The following DCHS2 variants were observed in gnomAD, a reference collection of about 807,000 sequenced individuals.
DCHS2 encodes dachsous cadherin-related 2, also known as protocadherin-23.
Under a neutral mutation model 182.4 loss-of-function variants are expected in DCHS2, and 142 were observed. The ratio of observed to expected loss-of-function variants is 0.78; its 90% CI spans 0.68 to 0.89. The LOEUF is 0.89. DCHS2 is among the 40% of genes least tolerant of loss of function. The pLI, the probability that DCHS2 is intolerant of heterozygous loss-of-function variation, is 0.00. For missense variants in DCHS2, 4,319 were observed against 4,198.6 expected, an observed-to-expected ratio of 1.03 and a Z score of -0.79; for synonymous variants, 1,740 against 1,663.3, an observed-to-expected ratio of 1.05 and a Z score of -1.12.
In DCHS2 at chr4:154,236,690, T is replaced by C. The variant is rs1271240685; in HGVS notation, c.7962A>G (p.Gln2654=). 6.2e-7 allele frequency: 1 copy of C among 1,613,998 alleles called. No individual in the cohort carries two copies. Among genetic ancestry groups the C allele is most frequent in the South Asian group, 1.1e-5 (1 of 91,080 alleles). Residue 2654 remains glutamine, a synonymous_variant, in exon 20 of 20, where the codon CAA becomes CAG. Coordinates refer to ENST00000357232, the MANE Select transcript of DCHS2 (RefSeq NM_001358235.2). ...GGGGATTGTCATTGACATCAAGTAC[T>C]TGTATTGATATGACAGCTGTGGAAC... ...PLSSTAVISI[Q]VLDVNDNPPN... is the part of the protein sequence containing the mutation.
At chr4:154,445,505 C>T (rs1156682389) in intron 1 of DCHS2, among the ~76,000 whole-genome samples, 1 of 152,148 alleles carries the variant, frequency 6.6e-6, no homozygotes, top group Non-Finnish European at 1.5e-5. Context: ...AGTGCACCTC[C>T]CCTTACAACG....
At chr4:154,463,973 A>G (rs1021786903) in intron 1 of DCHS2, among the ~76,000 whole-genome samples, 1 of 152,226 alleles carries the variant, frequency 6.6e-6, no homozygotes, top group African/African-American at 2.4e-5. Context: ...AGAATATGAT[A>G]TTTAGTTCCC....
At chr4:154,382,479 C>T (rs950771932) in intron 1 of DCHS2, among the ~76,000 whole-genome samples, 1 of 151,800 alleles carries the variant, frequency 6.6e-6, no homozygotes, top group Admixed American at 6.6e-5. Flanking sequence ...GCAACCAAAA[C>T]AAAAATTGAC....
intron 1 of DCHS2, among the ~76,000 whole-genome samples, chr4:154,387,220 T>C (rs1213039804): frequency 6.6e-6 from 1 of 152,180 alleles, no homozygotes; most frequent in Non-Finnish European, 1.5e-5. Context: ...ATTATTGTCC[T>C]TTCTTCCCAC....
intron 10 of DCHS2, among the ~76,000 whole-genome samples, chr4:154,311,098 T>C (rs924038734): frequency 6.6e-6 from 1 of 152,200 alleles, no homozygotes; most frequent in Non-Finnish European, 1.5e-5. Context: ...GGGAGAGTGC[T>C]AGGAGCTGAG....
intron 13 of DCHS2, among the ~76,000 whole-genome samples, chr4:154,295,764 G>A (rs368248856): frequency 1.3e-5 from 2 of 152,230 alleles, no homozygotes; most frequent in South Asian, 2.1e-4. Flanking sequence ...AAGAGAATAT[G>A]CCCAGTAGAG....
At chr4:154,260,780 A>G (rs999172166) in intron 14 of DCHS2, among the ~76,000 whole-genome samples, 1 of 151,928 alleles carries the variant, frequency 6.6e-6, no homozygotes, top group African/African-American at 2.4e-5. Context: ...AGCTCCATAC[A>G]CCATCTCTTA....
At chr4:154,404,912 C>T (rs1182060128) in intron 1 of DCHS2, among the ~76,000 whole-genome samples, 1 of 152,154 alleles carries the variant, frequency 6.6e-6, no homozygotes, top group Non-Finnish European at 1.5e-5. Flanking sequence ...TTTCCCCTAC[C>T]TTCACTCACA....
chr4:154,459,479 CAA>C (rs1272577700), intron 1 of DCHS2, among the ~76,000 whole-genome samples: 1 of 151,978 alleles, frequency 6.6e-6, no homozygotes, highest in East Asian at 1.9e-4. Flanking sequence ...AAAGCAAAGG[CAA>C]AGAGCCCCGA....
At chr4:154,315,622 A>T (rs1735822416) in intron 10 of DCHS2, 126 bp downstream of exon 10, 1 of 1,376,314 alleles carries the variant, frequency 7.3e-7, no homozygotes, top group Non-Finnish European at 9.7e-7. Flanking sequence ...TGAAAGAAGT[A>T]TTACAAATTT....
At chr4:154,250,081 C>A (rs1732278818) in intron 16 of DCHS2, among the ~76,000 whole-genome samples, 2 of 151,968 alleles carry the variant, frequency 1.3e-5, no homozygotes, top group Non-Finnish European at 2.9e-5. Flanking sequence ...AAATACTATG[C>A]CATTTTATAT....
At chr4:154,303,014 T>C in intron 12 of DCHS2, among the ~76,000 whole-genome samples, 1 of 141,950 alleles carries the variant, frequency 7.0e-6, no homozygotes, top group African/African-American at 2.6e-5. Flanking sequence ...AAAGTCTCAC[T>C]CTTTTCCCCC....
intron 13 of DCHS2, among the ~76,000 whole-genome samples, chr4:154,291,136 T>C (rs1734638675): frequency 6.6e-6 from 1 of 152,176 alleles, no homozygotes; most frequent in Middle Eastern, 3.4e-3. Context: ...AACACCCAAA[T>C]AGACATCTCT....
chr4:154,480,839 G>C (rs1579122354), intron 1 of DCHS2, among the ~76,000 whole-genome samples: 1 of 152,054 alleles, frequency 6.6e-6, no homozygotes, highest in East Asian at 1.9e-4. Flanking sequence ...ATGTTGCCCA[G>C]GCTGGCCTCA....
intron 14 of DCHS2, among the ~76,000 whole-genome samples, chr4:154,269,646 A>G (rs1040021124): frequency 6.6e-6 from 1 of 152,138 alleles, no homozygotes; most frequent in African/African-American, 2.4e-5. Context: ...TTGTAAGTGG[A>G]AGCTAATTTA....
At chr4:154,409,647 A>C (rs1429871080) in intron 1 of DCHS2, among the ~76,000 whole-genome samples, 1 of 152,128 alleles carries the variant, frequency 6.6e-6, no homozygotes, top group East Asian at 1.9e-4. Flanking sequence ...TAGGCTCATA[A>C]GCTCCTGAGC....
chr4:154,236,933 G>A lies in DCHS2; in HGVS notation c.7719C>T (p.Asn2573=). ...LVGSTLVTFS[N]IDHDWTRENT... ...TTTCACGGGTCCAGTCATGGTCGAT[G>A]TTTGAAAATGTAACAAGCGTGCTTC... The change falls in exon 20 of 20, where the codon AAC becomes AAT. Residue 2573 remains asparagine, a synonymous_variant. Transcript: ENST00000357232. 6.2e-7 allele frequency: 1 copy of A among 1,614,040 alleles called. No homozygotes were observed. Among genetic ancestry groups the A allele is most frequent in the Non-Finnish European group, 8.5e-7 (1 of 1,179,930 alleles).
chr4:154,370,667 A>C (rs1039142723), intron 2 of DCHS2, among the ~76,000 whole-genome samples: 7 of 152,228 alleles, frequency 4.6e-5, no homozygotes, highest in Admixed American at 2.6e-4. Flanking sequence ...AATAGAAAAG[A>C]AAGCAAAGAA....
chr4:154,361,428 A>G (rs1265488035), intron 3 of DCHS2, among the ~76,000 whole-genome samples: 1 of 152,214 alleles, frequency 6.6e-6, no homozygotes, highest in East Asian at 1.9e-4. Context: ...TACTAAAGAG[A>G]GCACTTCAAA....
Sources: gnomAD v4.1 joint callset for allele counts (sites outside exome capture counted in the v4.1 genomes callset) on GRCh38, gnomAD v4.1.1 for gene constraint, MANE v1.5 for transcripts, NCBI Gene and HGNC (gene_info 2026-07-23, HGNC 2026-07-21) for gene names.